Variants in ATRX observed in about 807,000 individuals in gnomAD.
ATRX encodes chromatin remodeler ATRX.
In ATRX, 12 loss-of-function variants were observed where a neutral mutation model predicts 172.6. That is an observed-to-expected ratio of 0.07 (90% CI 0.04 to 0.11). ATRX has a LOEUF of 0.11. ATRX is among the 10% of genes least tolerant of loss of function. The probability of loss-of-function intolerance (pLI) is 1.00; values close to 1 mark genes in which losing one functional copy is unlikely to be tolerated. For synonymous variants in ATRX, 674 were observed against 594.7 expected, an observed-to-expected ratio of 1.13 and a Z score of -1.94; for missense variants, 1,368 against 1,767.4, an observed-to-expected ratio of 0.77 and a Z score of 4.05.
At chrX:77,516,529 C>G (rs781995622) in intron 34 of ATRX, among the ~76,000 whole-genome samples, 1 of 111,584 alleles carries the variant, frequency 9.0e-6, no homozygotes, top group East Asian at 2.8e-4. Context: ...AATTCAGCAA[C>G]AAGATACAAC....
chrX:77,656,084 T>C (rs1022051993), intron 13 of ATRX, among the ~76,000 whole-genome samples: 3 of 111,895 alleles, frequency 2.7e-5, no homozygotes, highest in South Asian at 3.7e-4. Context: ...AATTTATATA[T>C]TGAGCACTTA....
At chrX:77,771,641 T>C (rs968032552) in intron 1 of ATRX, among the ~76,000 whole-genome samples, 25 of 110,482 alleles carry the variant, frequency 2.3e-4, no homozygotes, top group African/African-American at 7.6e-4. Context: ...TCTAAGGAAA[T>C]TTTTTGCTAT....
At chrX:77,785,788 C>T (rs2076723554) in intron 1 of ATRX, 194 bp downstream of exon 1, 3 of 74,681 alleles carry the variant, frequency 4.0e-5, no homozygotes. Context: ...CCCCCCACCC[C>T]ATCCCCACCC....
At position 77,762,912 on chromosome X, in the gene ATRX, A is replaced by T. The variant is rs111579747; in HGVS notation, c.20+23070T>A. 2.0e-3 allele frequency among the ~76,000 whole-genome samples: 226 copies of T among 111,308 alleles called. 2 individuals are homozygous for T. The highest frequency in any genetic ancestry group is 6.8e-3 in the African/African-American group (209 of 30,766). Reference sequence around the variant, plus strand: ...ATGTGTACTGGCACCAGAAGAAAAAAAATCAACTTATCTTTTTGCAAATAG... The same window carrying T: ...ATGTGTACTGGCACCAGAAGAAAAATAATCAACTTATCTTTTTGCAAATAG... On this transcript the variant is annotated intron_variant, in intron 1 of 34. Coordinates refer to ENST00000373344, the MANE Select transcript of ATRX (RefSeq NM_000489.6).
intron 1 of ATRX, among the ~76,000 whole-genome samples, chrX:77,775,750 T>TA (rs1557201958): frequency 3.6e-5 from 4 of 110,878 alleles, no homozygotes; most frequent in African/African-American, 1.3e-4. Flanking sequence ...TTTATTTATT[T>TA]TTGAAACGGA....
At chrX:77,726,670 C>T (rs1557173172) in intron 1 of ATRX, among the ~76,000 whole-genome samples, 1 of 111,672 alleles carries the variant, frequency 9.0e-6, no homozygotes, top group Non-Finnish European at 1.9e-5. Flanking sequence ...TTCAGGCTCA[C>T]ATTCACATAA....
At chrX:77,691,686 G>A (rs1391720546) in intron 6 of ATRX, among the ~76,000 whole-genome samples, 3 of 110,586 alleles carry the variant, frequency 2.7e-5, no homozygotes, top group Admixed American at 1.9e-4. Flanking sequence ...TACATTTCTT[G>A]TAATACAAGA....
intron 2 of ATRX, among the ~76,000 whole-genome samples, chrX:77,708,103 T>C (rs1465703697): frequency 8.9e-6 from 1 of 111,983 alleles, no homozygotes; most frequent in Non-Finnish European, 1.9e-5. Context: ...AACAAAAATA[T>C]ATGGCTACAC....
intron 12 of ATRX, among the ~76,000 whole-genome samples, chrX:77,659,460 T>C (rs1026886659): frequency 1.0e-5 from 1 of 97,705 alleles, no homozygotes; most frequent in African/African-American, 3.7e-5. Context: ...TTTACCACAT[T>C]TGCTTTTTTT....
chrX:77,733,438 C>G (rs1176841275), intron 1 of ATRX, among the ~76,000 whole-genome samples: 1 of 111,257 alleles, frequency 9.0e-6, no homozygotes, highest in Non-Finnish European at 1.9e-5. Context: ...CAGCATGATT[C>G]TGGCATAAAA....
chrX:77,658,704 G>A (rs1436979178), intron 12 of ATRX, among the ~76,000 whole-genome samples: 1 of 111,826 alleles, frequency 8.9e-6, no homozygotes, highest in African/African-American at 3.2e-5. Context: ...TTCAATAAAA[G>A]CTTATTTATA....
At chrX:77,687,856 C>T (rs2071664331) in intron 7 of ATRX, among the ~76,000 whole-genome samples, 1 of 112,027 alleles carries the variant, frequency 8.9e-6, no homozygotes, top group African/African-American at 3.2e-5. Context: ...TCAAAGGCAG[C>T]TTTTTATTGG....
chrX:77,509,695 C>T (rs2062801659), intron 34 of ATRX, among the ~76,000 whole-genome samples: 1 of 111,066 alleles, frequency 9.0e-6, no homozygotes, highest in African/African-American at 3.3e-5. Flanking sequence ...AAAAGAAACA[C>T]CAGGCAGAAC....
At chrX:77,666,024 C>T (rs1569536960) in intron 10 of ATRX, among the ~76,000 whole-genome samples, 1 of 110,870 alleles carries the variant, frequency 9.0e-6, no homozygotes, top group African/African-American at 3.3e-5. Flanking sequence ...TTTTATTTGA[C>T]AGATTGTTCA....
chrX:77,698,900 A>C lies in ATRX; in HGVS notation c.134-271T>G, dbSNP rs1486853399. On this transcript the variant is annotated intron_variant, in intron 2 of 34. Coordinates refer to ENST00000373344, the MANE Select transcript of ATRX (RefSeq NM_000489.6). ...TGTTGTAGTTTATAAATATTGCAAG[A>C]CATTTCCCAGCAGAAGAAAATTTAA... is the stretch of plus-strand genomic sequence containing the variant. 1.8e-5 allele frequency: 7 copies of C among 381,197 alleles called. No individual in the cohort carries two copies. In the East Asian group the frequency reaches 3.6e-4, roughly 19 times the overall value. The allele number at this position is 381,197 out of a possible 1,213,427, so 31.4% of individuals were successfully genotyped here. A position where few individuals can be genotyped will look rare whatever the true frequency, so the allele number is the denominator to read the frequency against.
Position 77,508,309 on chromosome X carries a change from C to A in ATRX, c.*42G>T. 2 of 1,190,490 alleles carry A rather than the reference C, an allele frequency of 1.7e-6. No individual in the cohort carries two copies. Among genetic ancestry groups the A allele is most frequent in the Non-Finnish European group, 1.1e-6 (1 of 877,197 alleles). On this transcript the variant is annotated 3_prime_UTR_variant, in exon 35 of 35. Coordinates refer to ENST00000373344, the MANE Select transcript of ATRX (RefSeq NM_000489.6). ...ATTGATTCCTAAAAAAATAAAAGAT[C>A]TTTCTATGATTTTAACAATCCATTA...
At chrX:77,654,680 G>A (rs958857764) in intron 13 of ATRX, among the ~76,000 whole-genome samples, 2 of 111,869 alleles carry the variant, frequency 1.8e-5, no homozygotes, top group African/African-American at 6.5e-5. Context: ...AGGATGTGGA[G>A]AAAGTGAAAC....
chrX:77,624,303 C>G (rs868957220), intron 19 of ATRX, among the ~76,000 whole-genome samples: 4 of 110,881 alleles, frequency 3.6e-5, no homozygotes, highest in Non-Finnish European at 3.8e-5. Context: ...GGAGGCGGAG[C>G]TTGCAGTGAG....
intron 28 of ATRX, among the ~76,000 whole-genome samples, chrX:77,570,344 AT>A (rs1218429297): frequency 0.011 from 1,132 of 100,050 alleles, 4 homozygotes; most frequent in Non-Finnish European, 0.012. Context: ...ATGCCTGGGT[AT>A]TTTTTTTTTT....
Sources: allele counts gnomAD v4.1 joint callset (sites outside exome capture counted in the v4.1 genomes callset), GRCh38; gene constraint gnomAD v4.1.1; transcripts MANE v1.5; gene names NCBI Gene and HGNC (gene_info 2026-07-23, HGNC 2026-07-21).